Variants in MUC4 observed in about 807,000 individuals in gnomAD.
MUC4 encodes mucin 4, cell surface associated, also known as mucin-4.
In MUC4, 202 loss-of-function variants were observed where a neutral mutation model predicts 257.9. The ratio of observed to expected loss-of-function variants is 0.78; its 90% CI spans 0.70 to 0.88. The LOEUF (loss-of-function observed/expected upper bound fraction) is 0.88. Among genes scored for constraint, MUC4 ranks in the 40% least tolerant of loss-of-function variants. MUC4 has a pLI of 0.00. For synonymous variants in MUC4, 2,351 were observed against 2,757.1 expected (o/e 0.85, Z 4.62); for missense variants, 5,976 against 6,513.7 (o/e 0.92, Z 2.84).
At chr3:195,767,461 AC>A (rs1720830048) in intron 7 of MUC4, among the ~76,000 whole-genome samples, 8 of 140,798 alleles carry the variant, frequency 5.7e-5, no homozygotes, top group Admixed American at 1.4e-4. Context: ...CACCACCAAC[AC>A]TACCACCACC....
intron 1 of MUC4, among the ~76,000 whole-genome samples, chr3:195,805,200 G>A (rs929171192): frequency 6.6e-6 from 1 of 151,812 alleles, no homozygotes; most frequent in African/African-American, 2.4e-5. Flanking sequence ...AACTTTACCC[G>A]TTCTTTCCAA....
Position 195,752,239 on chromosome 3 carries a change from G to A in MUC4, c.15582+134C>T. ...CCTAATGCCCTGCACCTCCCATGGGGCAAGAGGCTCCGGCCTCCTCTGGCA... is the reference window on the plus strand; with the variant it reads ...CCTAATGCCCTGCACCTCCCATGGGACAAGAGGCTCCGGCCTCCTCTGGCA... On this transcript the variant is annotated intron_variant, in intron 21 of 24. Coordinates refer to ENST00000463781, the MANE Select transcript of MUC4 (RefSeq NM_018406.7). 9 of 821,860 alleles carry A rather than the reference G, an allele frequency of 1.1e-5. 1 individual carries two copies. Among genetic ancestry groups the A allele is most frequent in the South Asian group, 1.0e-4 (7 of 66,690 alleles). The allele number at this position is 821,860 out of a possible 1,614,324, so 50.9% of individuals were successfully genotyped here.
Position 195,759,141 on chromosome 3 carries a change from G to A in MUC4, c.14969C>T (p.Thr4990Ile). ...DANFTLRDSC[T>I]DLELFENGTL... ...AGTCCTACCAAAGAGCTCCAAGTCG[G>A]TGCAGCTGTCTCTGAGCGTGAAGTT... Residue 4990 changes from threonine (T) to isoleucine (I), a missense_variant, in exon 17 of 25, where the codon ACC becomes ATC. Transcript: ENST00000463781. 1 of 1,613,988 alleles carries A rather than the reference G, an allele frequency of 6.2e-7. No homozygotes were observed. The highest frequency in any genetic ancestry group is 1.3e-5 in the African/African-American group (1 of 74,986).
intron 1 of MUC4, among the ~76,000 whole-genome samples, chr3:195,809,191 G>A (rs943488646): frequency 9.9e-5 from 15 of 152,230 alleles, no homozygotes; most frequent in Non-Finnish European, 1.8e-4. Context: ...ACCCTTGAGA[G>A]CCAGGGCTGT....
Position 195,757,026 on chromosome 3 carries a change from C to T in MUC4, c.15168+121G>A. On this transcript the variant is annotated intron_variant, in intron 18 of 24. Coordinates refer to ENST00000463781, the MANE Select transcript of MUC4 (RefSeq NM_018406.7). The surrounding 1 kb of genome is among the most constrained non-coding windows in gnomAD (Gnocchi z 4.8). ...ACTGGAATCTGCTCTACTCACCTAC[C>T]ACTGCTCCACCCATCTCCCAACACA... 1 of 1,014,658 alleles carries T rather than the reference C, an allele frequency of 9.9e-7. No homozygotes were observed. The highest frequency in any genetic ancestry group is 1.5e-6 in the Non-Finnish European group (1 of 683,686). The allele number at this position is 1,014,658 out of a possible 1,614,324, so 62.9% of individuals were successfully genotyped here.
In MUC4 at chr3:195,782,834, T is replaced by C. The variant is rs749467320; in HGVS notation, c.8746A>G (p.Thr2916Ala). Residue 2916 changes from threonine to alanine, a missense_variant, in exon 2 of 25, where the codon ACC (threonine) becomes GCC (alanine). This residue lies in a region of MUC4 where 228 missense variants were observed against 206.3 expected (regional missense o/e 1.11). Transcript: ENST00000463781. ...STGDTTPLPV[T>A]DTSSASTGQA... ...CCTGTGGATGCTGAGGAAGTGTCGG[T>C]GACAGGAAGAGGCGTGGTGTCACCT... 6.6e-7 allele frequency: 1 copy of C among 1,512,540 alleles called. No homozygotes were observed. The highest frequency in any genetic ancestry group is 1.4e-5 in the African/African-American group (1 of 70,304). 93.7% of individuals were successfully genotyped at this position (1,512,540 alleles called of 1,614,324 possible).
At chr3:195,795,115 A>G (rs1046843157) in intron 1 of MUC4, among the ~76,000 whole-genome samples, 7 of 152,208 alleles carry the variant, frequency 4.6e-5, no homozygotes, top group Non-Finnish European at 1.0e-4. Context: ...TGGTTTCTCC[A>G]AATAAGGTTT....
chr3:195,763,620 T>TG lies in MUC4; in HGVS notation c.14065dup (p.His4689ProfsTer69). On this transcript the variant is annotated frameshift_variant, in exon 12 of 25. Transcript: ENST00000463781. LOFTEE classifies it high-confidence loss of function. The stretch of plus-strand genomic sequence containing the variant: ...ACTGACACCATCCAAGGTGGTGATG[T>TG]GGGGGTCCCCGAACATCCAGGCTGG... 6.5e-7 allele frequency: 1 copy of TG among 1,547,426 alleles called. No individual in the cohort carries two copies. The highest frequency in any genetic ancestry group is 8.8e-7 in the Non-Finnish European group (1 of 1,140,870).
At chr3:195,797,444 C>CT (rs1226867801) in intron 1 of MUC4, among the ~76,000 whole-genome samples, 2 of 152,274 alleles carry the variant, frequency 1.3e-5, no homozygotes, top group East Asian at 3.9e-4. Flanking sequence ...AAAGTCAACA[C>CT]TTACTCCTGT....
intron 10 of MUC4, among the ~76,000 whole-genome samples, chr3:195,764,437 A>G (rs1719968558): frequency 6.6e-6 from 1 of 152,140 alleles, no homozygotes; most frequent in Non-Finnish European, 1.5e-5. Flanking sequence ...TCTCTTTTGC[A>G]GGCATTGGGG....
intron 6 of MUC4, 114 bp from the exon 7 acceptor site, chr3:195,769,266 T>C (rs913125198): frequency 1.0e-4 from 145 of 1,439,326 alleles, no homozygotes; most frequent in Non-Finnish European, 1.3e-4. Context: ...CACCTGTTCC[T>C]GGTCTGCCCA....
rs1351099973 is a variant in MUC4, at chr3:195,784,248, A to C, written c.7332T>G (p.Gly2444=). ...PVTNVSSAST[G]HATPLPVTST... Reference sequence around the variant, plus strand: ...TGGTGACAGGAAGAGGGGTGGCATGACCTGTGGATGCCGAGGAAACGTTGG... The same window carrying C: ...TGGTGACAGGAAGAGGGGTGGCATGCCCTGTGGATGCCGAGGAAACGTTGG... The change falls in exon 2 of 25, where the codon GGT becomes GGG. Residue 2444 remains glycine, a synonymous_variant. Coordinates refer to ENST00000463781, the MANE Select transcript of MUC4 (RefSeq NM_018406.7). 7.3e-7 allele frequency: 1 copy of C among 1,375,268 alleles called. No homozygotes were observed. The highest frequency in any genetic ancestry group is 1.6e-5 in the African/African-American group (1 of 63,568). 85.2% of individuals were successfully genotyped at this position (1,375,268 alleles called of 1,614,324 possible). A position where few individuals can be genotyped will look rare whatever the true frequency, so the allele number is the denominator to read the frequency against.
intron 1 of MUC4, among the ~76,000 whole-genome samples, chr3:195,794,732 A>C (rs913113942): frequency 6.6e-6 from 1 of 152,190 alleles, no homozygotes; most frequent in Non-Finnish European, 1.5e-5. Context: ...TCAGGGAAGA[A>C]TTCAGCTTCA....
rs1725877462 is a variant in MUC4, at chr3:195,779,091, G to C, written c.12489C>G (p.Val4163=). Residue 4163 remains valine (V), a synonymous_variant, in exon 2 of 25, where the codon GTC becomes GTG. Coordinates refer to ENST00000463781, the MANE Select transcript of MUC4 (RefSeq NM_018406.7). ...ASSGHTTSLP[V]TDASSVSTGH... ...CTGTGGACACTGAGGAAGCGTCGGT[G>C]ACAGGAAGAGAGGTGGTGTGACCTG... The C allele has an allele frequency of 6.7e-7, 1 of 1,498,286 alleles. No individual in the cohort carries two copies. Among genetic ancestry groups the C allele is most frequent in the African/African-American group, 1.6e-5 (1 of 63,744 alleles). The allele number at this position is 1,498,286 out of a possible 1,614,324, so 92.8% of individuals were successfully genotyped here. A position where few individuals can be genotyped will look rare whatever the true frequency, so the allele number is the denominator to read the frequency against.
chr3:195,773,770 A>G (rs1480723438), intron 4 of MUC4, among the ~76,000 whole-genome samples: 1 of 152,052 alleles, frequency 6.6e-6, no homozygotes, highest in African/African-American at 2.4e-5. Context: ...CACCCTCTCC[A>G]TCGCTCAGTC....
intron 1 of MUC4, among the ~76,000 whole-genome samples, chr3:195,795,245 A>G (rs903825989): frequency 6.6e-6 from 1 of 152,210 alleles, no homozygotes; most frequent in Admixed American, 6.5e-5. Flanking sequence ...TAGGGGCCAA[A>G]CTTTCTGAAT....
At chr3:195,770,533 G>T in intron 5 of MUC4, 162 bp from the exon 6 acceptor site, 1 of 727,964 alleles carries the variant, frequency 1.4e-6, no homozygotes, top group Non-Finnish European at 2.3e-6. Context: ...CTGAGGTGAA[G>T]TTCAATTCAA....
chr3:195,763,769 G>A (rs1719761885), intron 11 of MUC4, 128 bp from the exon 12 acceptor site: 4 of 1,074,086 alleles, frequency 3.7e-6, no homozygotes, highest in South Asian at 1.8e-5. Flanking sequence ...CAGTCGACTG[G>A]GGCACTTGTC....
At chr3:195,767,612 C>CACCATCACCACCACCATCAT (rs1721253070) in intron 7 of MUC4, among the ~76,000 whole-genome samples, 1 of 73,948 alleles carries the variant, frequency 1.4e-5, no homozygotes, top group African/African-American at 5.9e-5. Context: ...ATCACCATTG[C>CACCATCACCACCACCATCAT]CACCACCATC....
Sources: allele counts gnomAD v4.1 joint callset (sites outside exome capture counted in the v4.1 genomes callset), GRCh38; gene constraint gnomAD v4.1.1; regional missense constraint gnomAD v4.1.1; non-coding constraint Gnocchi (gnomAD v3.1); transcripts MANE v1.5; gene names NCBI Gene and HGNC (gene_info 2026-07-23, HGNC 2026-07-21).